Variants in AGMO observed in about 807,000 individuals in gnomAD.
AGMO encodes the protein alkylglycerol monooxygenase, also known as glyceryl-ether monooxygenase.
Under a neutral mutation model 60.2 loss-of-function variants are expected in AGMO, and 75 were observed. The observed-to-expected ratio is 1.25, with a 90% CI of 1.03 to 1.51. The LOEUF is 1.51. Among genes scored for constraint, AGMO ranks in the 40% most tolerant of loss-of-function variants. AGMO has a pLI of 0.00. For missense variants in AGMO, 763 were observed against 525.5 expected (o/e 1.45, Z -4.42); for synonymous variants, 261 against 177.1 (o/e 1.47, Z -3.76).
At chr7:15,541,574 A>G (rs996899207) in intron 3 of AGMO, among the ~76,000 whole-genome samples, 1 of 152,238 alleles carries the variant, frequency 6.6e-6, no homozygotes, top group African/African-American at 2.4e-5. Flanking sequence ...GACCATAATT[A>G]GCAATTTCTT....
chr7:15,470,447 G>A (rs2128512275), intron 3 of AGMO, among the ~76,000 whole-genome samples: 1 of 151,778 alleles, frequency 6.6e-6, no homozygotes, highest in Non-Finnish European at 1.5e-5. Context: ...TAAGTAGTAA[G>A]CAATAATAAA....
At chr7:15,560,711 T>A (rs1785281213) in intron 1 of AGMO, among the ~76,000 whole-genome samples, 1 of 152,208 alleles carries the variant, frequency 6.6e-6, no homozygotes, top group Admixed American at 6.5e-5. Context: ...CTATTTCTAA[T>A]GATGAAATTC....
intron 12 of AGMO, among the ~76,000 whole-genome samples, chr7:15,309,863 A>C (rs1250532514): frequency 6.6e-6 from 1 of 152,162 alleles, no homozygotes; most frequent in African/African-American, 2.4e-5. Context: ...TATGTTATCT[A>C]TTGGAAAGTA....
At chr7:15,268,556 T>C (rs573457279) in intron 12 of AGMO, among the ~76,000 whole-genome samples, 12 of 152,176 alleles carry the variant, frequency 7.9e-5, no homozygotes, top group South Asian at 4.1e-4. Flanking sequence ...CAGTGTGAGA[T>C]TGTCAAATAA....
chr7:15,342,879 T>A (rs559560114), intron 12 of AGMO, among the ~76,000 whole-genome samples: 3 of 148,080 alleles, frequency 2.0e-5, no homozygotes, highest in African/African-American at 7.4e-5. Flanking sequence ...TGGGCCTCAA[T>A]ATCCTCATTT....
the AGMO span, among the ~76,000 whole-genome samples, chr7:15,186,232 A>G: frequency 6.6e-6 from 1 of 152,232 alleles, no homozygotes; most frequent in Admixed American, 6.5e-5. Context: ...TTGGCTTCCA[A>G]CAATACAAAG....
chr7:15,171,639 TACTGTATCTTTCC>T, the AGMO span, among the ~76,000 whole-genome samples: 1 of 152,352 alleles, frequency 6.6e-6, no homozygotes, highest in African/African-American at 2.4e-5. Context: ...CTAAACAATT[TACTGTATCTTTCC>T]ATGTCATAAA....
intron 3 of AGMO, among the ~76,000 whole-genome samples, chr7:15,495,837 TCTCTC>T (rs1293642661): frequency 2.3e-4 from 31 of 136,192 alleles, no homozygotes; most frequent in East Asian, 1.3e-3. Context: ...TCTCTCTCTC[TCTCTC>T]CTCTCTCTCT....
At chr7:15,456,561 G>A (rs1467999025) in intron 3 of AGMO, among the ~76,000 whole-genome samples, 1 of 152,086 alleles carries the variant, frequency 6.6e-6, no homozygotes, top group East Asian at 1.9e-4. Flanking sequence ...GGATCTTCTA[G>A]TTCGTGGATA....
intron 3 of AGMO, among the ~76,000 whole-genome samples, chr7:15,467,468 T>C (rs1782324600): frequency 6.6e-6 from 1 of 152,198 alleles, no homozygotes; most frequent in African/African-American, 2.4e-5. Flanking sequence ...TAATTAACCT[T>C]GTTTCAACTG....
chr7:15,408,789 G>A (rs902764669), intron 5 of AGMO, among the ~76,000 whole-genome samples: 1 of 151,832 alleles, frequency 6.6e-6, no homozygotes, highest in Non-Finnish European at 1.5e-5. Flanking sequence ...TTTGAGTGGG[G>A]ACCATGGGTT....
At chr7:15,146,451 A>G in the AGMO span, among the ~76,000 whole-genome samples, 3 of 152,120 alleles carry the variant, frequency 2.0e-5, no homozygotes, top group Admixed American at 2.0e-4. Context: ...TAACTTAATC[A>G]TTTCCTAGGC....
intron 5 of AGMO, among the ~76,000 whole-genome samples, chr7:15,402,937 T>G (rs1260985877): frequency 6.6e-6 from 1 of 151,804 alleles, no homozygotes. Context: ...AAAGAAATGA[T>G]GTAATACACA....
intron 3 of AGMO, among the ~76,000 whole-genome samples, chr7:15,515,174 T>C (rs994741059): frequency 2.0e-5 from 3 of 152,204 alleles, no homozygotes; most frequent in Admixed American, 6.5e-5. Flanking sequence ...AGGAATCACT[T>C]CTGTCTGTTT....
At chr7:15,228,197 T>C (rs1228424343) in intron 12 of AGMO, among the ~76,000 whole-genome samples, 1 of 152,120 alleles carries the variant, frequency 6.6e-6, no homozygotes, top group Non-Finnish European at 1.5e-5. Flanking sequence ...CAACAGATAA[T>C]AGTAGAAGTC....
chr7:15,441,420 C>A (rs1308886310), intron 3 of AGMO, among the ~76,000 whole-genome samples: 2 of 152,174 alleles, frequency 1.3e-5, no homozygotes, highest in South Asian at 4.1e-4. Flanking sequence ...CTAACATTAA[C>A]ACCGTGAGTT....
chr7:15,388,656 CTAA>C (rs562191888), intron 8 of AGMO, among the ~76,000 whole-genome samples: 86 of 152,158 alleles, frequency 5.7e-4, no homozygotes, highest in African/African-American at 1.8e-3. Flanking sequence ...TGATTTACGC[CTAA>C]TAATAAGGAA....
intron 3 of AGMO, among the ~76,000 whole-genome samples, chr7:15,501,608 G>T (rs1043539763): frequency 5.3e-5 from 8 of 151,940 alleles, no homozygotes; most frequent in African/African-American, 1.9e-4. Flanking sequence ...TGAAATAAAA[G>T]ATAATACAGT....
intron 5 of AGMO, among the ~76,000 whole-genome samples, chr7:15,397,628 CTCTT>C (rs1299248133): frequency 1.3e-5 from 2 of 152,324 alleles, no homozygotes; most frequent in African/African-American, 4.8e-5. Context: ...ACCTCTCCCT[CTCTT>C]TCTCTTTCTT....
Sources: allele counts gnomAD v4.1 joint callset (sites outside exome capture counted in the v4.1 genomes callset), GRCh38; gene constraint gnomAD v4.1.1; transcripts MANE v1.5; gene names NCBI Gene and HGNC (gene_info 2026-07-23, HGNC 2026-07-21).